STK32B: variants seen among roughly 807,000 people sequenced by gnomAD.
STK32B encodes the protein serine/threonine kinase 32B.
A neutral mutation model predicts 52.6 loss-of-function variants in STK32B; 43 were observed. The ratio of observed to expected loss-of-function variants is 0.82; its 90% CI spans 0.64 to 1.05. STK32B has a LOEUF of 1.05. Ranked by LOEUF, STK32B falls within the 50% of genes least tolerant of loss-of-function variation. The pLI, the probability that STK32B is intolerant of heterozygous loss-of-function variation, is 0.00. For missense variants in STK32B, 621 were observed against 534.6 expected, an observed-to-expected ratio of 1.16 and a Z score of -1.59; for synonymous variants, 238 against 204.3, an observed-to-expected ratio of 1.17 and a Z score of -1.41.
chr4:5,186,160 T>C (rs1442039038), intron 3 of STK32B, among the ~76,000 whole-genome samples: 2 of 152,174 alleles, frequency 1.3e-5, no homozygotes, highest in African/African-American at 2.4e-5. Context: ...TCCTGTCCTC[T>C]TGGAGTTCAT....
intron 11 of STK32B, among the ~76,000 whole-genome samples, chr4:5,483,458 T>C (rs1211834595): frequency 6.6e-6 from 1 of 152,164 alleles, no homozygotes; most frequent in Admixed American, 6.5e-5. Flanking sequence ...TTTTATTGCA[T>C]CTATTTGATC....
chr4:5,061,229 C>A (rs1301379860), intron 1 of STK32B, among the ~76,000 whole-genome samples: 3 of 152,048 alleles, frequency 2.0e-5, no homozygotes, highest in Admixed American at 6.6e-5. Flanking sequence ...CTTCTTCTGG[C>A]CTATCTCTTT....
intron 3 of STK32B, among the ~76,000 whole-genome samples, chr4:5,174,630 T>C (rs142165692): frequency 0.19 from 28,976 of 152,206 alleles, 3,498 homozygotes; most frequent in East Asian, 0.36. Context: ...AATATTGGCC[T>C]CCACTCTCTT....
At chr4:5,359,180 A>G (rs1372456648) in intron 4 of STK32B, among the ~76,000 whole-genome samples, 1 of 152,196 alleles carries the variant, frequency 6.6e-6, no homozygotes, top group Admixed American at 6.5e-5. Context: ...AGAGCAGGAA[A>G]TTAAAGAGGA....
At chr4:5,308,945 G>A (rs1730110329) in intron 3 of STK32B, among the ~76,000 whole-genome samples, 3 of 152,062 alleles carry the variant, frequency 2.0e-5, no homozygotes, top group South Asian at 4.2e-4. Context: ...AAATTGAAAA[G>A]GAAGAAGTCA....
intron 3 of STK32B, among the ~76,000 whole-genome samples, chr4:5,289,734 G>A (rs1728772186): frequency 7.8e-6 from 1 of 128,026 alleles, no homozygotes; most frequent in East Asian, 2.4e-4. Flanking sequence ...TAGTAGAGAT[G>A]GGGTTTCACC....
At position 5,159,562 on chromosome 4, in the gene STK32B, A is replaced by AATATATATGAATGAATATAT. The variant is rs1553840329; in HGVS notation, c.109-8735_109-8734insATATATGAATGAATATATAT. On this transcript the variant is annotated intron_variant, in intron 2 of 11. Coordinates refer to ENST00000282908, the MANE Select transcript of STK32B (RefSeq NM_018401.3). The stretch of plus-strand genomic sequence containing the variant: ...ATATGTATATATATGAATATATATG[A>AATATATATGAATGAATATAT]ATGAATATATATGAATATATATATG... Among the ~76,000 whole-genome samples, 133 of 51,588 alleles carry AATATATATGAATGAATATAT rather than the reference A, an allele frequency of 2.6e-3. 2 individuals carry two copies. The highest frequency in any genetic ancestry group is 0.015 in the African/African-American group (121 of 8,188). 33.8% of individuals were successfully genotyped at this position (51,588 alleles called of 152,430 possible).
intron 4 of STK32B, among the ~76,000 whole-genome samples, chr4:5,346,975 A>G (rs1051489018): frequency 2.6e-5 from 4 of 152,196 alleles, no homozygotes; most frequent in Non-Finnish European, 5.9e-5. Context: ...TTATAAAACC[A>G]TCAGATCCTG....
In STK32B at chr4:5,398,278, C is replaced by A; in HGVS notation, c.472+34C>A. 1 of 1,613,090 alleles carries A rather than the reference C, an allele frequency of 6.2e-7. No homozygotes were observed. Among genetic ancestry groups the A allele is most frequent in the Non-Finnish European group, 8.5e-7 (1 of 1,179,514 alleles). On this transcript the variant is annotated intron_variant, in intron 5 of 11. Transcript: ENST00000282908. This position sits in a 1 kb window ranked among gnomAD's most constrained non-coding sequence, Gnocchi z 4.9. ...GCTACTAATCCTTTACAGGGACTCT[C>A]AGTGGAAAGTTTGAGGCACTGGGAA... is the stretch of plus-strand genomic sequence containing the variant.
At chr4:5,487,322 G>A (rs1719307815) in intron 11 of STK32B, among the ~76,000 whole-genome samples, 1 of 152,196 alleles carries the variant, frequency 6.6e-6, no homozygotes, top group African/African-American at 2.4e-5. Context: ...ATCTGGAAGT[G>A]TTGAGTTAAC....
rs577003962 is a variant in STK32B, at chr4:5,409,829, C to T, written c.473-7016C>T. 4.4e-4 allele frequency among the ~76,000 whole-genome samples: 67 copies of T among 152,202 alleles called. 3 individuals are homozygous for T. The South Asian group carries it at 0.013, about 31-fold the overall frequency. ...GATGATTTTTTAAGGCCCTGCATTC[C>T]TACCCCACGACCAAGGTACAGAAGG... On this transcript the variant is annotated intron_variant, in intron 5 of 11. Coordinates refer to ENST00000282908, the MANE Select transcript of STK32B (RefSeq NM_018401.3).
At chr4:5,181,590 G>A (rs563380303) in intron 3 of STK32B, among the ~76,000 whole-genome samples, 2 of 152,262 alleles carry the variant, frequency 1.3e-5, no homozygotes, top group South Asian at 2.1e-4. Context: ...ACACAACAAA[G>A]CAAATATCAC....
At chr4:5,091,513 A>G (rs1417091965) in intron 1 of STK32B, among the ~76,000 whole-genome samples, 1 of 152,216 alleles carries the variant, frequency 6.6e-6, no homozygotes. Flanking sequence ...TGTAAATCAA[A>G]CCCACAATGA....
intron 4 of STK32B, among the ~76,000 whole-genome samples, chr4:5,377,046 C>A (rs928507941): frequency 2.6e-5 from 4 of 152,166 alleles, no homozygotes; most frequent in African/African-American, 9.7e-5. Flanking sequence ...CCCCAGCTCT[C>A]CCCACAGCCA....
intron 3 of STK32B, among the ~76,000 whole-genome samples, chr4:5,249,485 TCCTTCCTTCCTTCCTTCCTCCCTC>T (rs1725751377): frequency 2.7e-5 from 3 of 110,656 alleles, no homozygotes; most frequent in Admixed American, 1.0e-4. Context: ...CTTCCTTCCT[TCCTTCCTTCCTTCCTTCCTCCCTC>T]CCTTCCTTTA....
At chr4:5,243,966 C>G (rs1487959195) in intron 3 of STK32B, among the ~76,000 whole-genome samples, 1 of 152,088 alleles carries the variant, frequency 6.6e-6, no homozygotes, top group Admixed American at 6.6e-5. Flanking sequence ...TGATGTGCTG[C>G]TGGATTCAGT....
chr4:5,096,729 G>A (rs933079120), intron 1 of STK32B, among the ~76,000 whole-genome samples: 3 of 152,178 alleles, frequency 2.0e-5, no homozygotes, highest in African/African-American at 4.8e-5. Flanking sequence ...GGGGGAGGGC[G>A]GCGTTTACAT....
chr4:5,030,699 A>G, the STK32B span, among the ~76,000 whole-genome samples: 8 of 152,364 alleles, frequency 5.3e-5, no homozygotes, highest in African/African-American at 1.9e-4. Flanking sequence ...AGTGGAGCCC[A>G]GGTTCAAACC....
At chr4:5,127,016 A>G in intron 1 of STK32B, 1 of 460,680 alleles carries the variant, frequency 2.2e-6, no homozygotes, top group South Asian at 1.6e-5. Context: ...AGCATTACTC[A>G]CATAATGCTC....
Sources: allele counts gnomAD v4.1 joint callset (sites outside exome capture counted in the v4.1 genomes callset), GRCh38; gene constraint gnomAD v4.1.1; non-coding constraint Gnocchi (gnomAD v3.1); transcripts MANE v1.5; gene names NCBI Gene and HGNC (gene_info 2026-07-23, HGNC 2026-07-21).